TRIM44: variants seen among roughly 807,000 people sequenced by gnomAD.
The protein encoded by TRIM44 is tripartite motif containing 44.
A neutral mutation model predicts 37.4 loss-of-function variants in TRIM44; 13 were observed. The observed-to-expected ratio is 0.35, with a 90% CI of 0.23 to 0.55. TRIM44 has a LOEUF of 0.55. TRIM44 is among the 20% of genes least tolerant of loss of function. The pLI is 0.89. For synonymous variants in TRIM44, 175 were observed against 157.2 expected (o/e 1.11, Z -0.85); for missense variants, 426 against 437.2 (o/e 0.97, Z 0.23).
chr11:35,704,046 A>C (rs1851837702), intron 2 of TRIM44, among the ~76,000 whole-genome samples: 1 of 152,168 alleles, frequency 6.6e-6, no homozygotes, highest in African/African-American at 2.4e-5. Flanking sequence ...TAGAATAACC[A>C]ATACAGAGAA....
rs11828627 is a variant in TRIM44 at position 35,672,188 on chromosome 11, A to G, written c.669+8408A>G. 1.9e-3 allele frequency among the ~76,000 whole-genome samples: 282 copies of G among 152,342 alleles called. 2 individuals carry two copies. Among genetic ancestry groups the G allele is most frequent in the African/African-American group, 6.5e-3 (271 of 41,578 alleles). On this transcript the variant is annotated intron_variant, in intron 1 of 4. Coordinates refer to ENST00000299413, the MANE Select transcript of TRIM44 (RefSeq NM_017583.6). ...AATTATTTTGAACACAACCTACAGT[A>G]GAGGAAATATATTTTATACTGTGAT...
At chr11:35,800,701 C>G (rs117023049) in intron 4 of TRIM44, among the ~76,000 whole-genome samples, 108 of 152,276 alleles carry the variant, frequency 7.1e-4, no homozygotes, top group Non-Finnish European at 1.1e-3. Flanking sequence ...TTTAGGCCAT[C>G]CTTCAGATTG....
intron 2 of TRIM44, among the ~76,000 whole-genome samples, chr11:35,697,708 G>T (rs1564958244): frequency 6.6e-6 from 1 of 151,554 alleles, no homozygotes; most frequent in African/African-American, 2.4e-5. Context: ...GCGGTGTTTG[G>T]TTTTTTGTCC....
chr11:35,677,169 G>A (rs1020141273), intron 1 of TRIM44, among the ~76,000 whole-genome samples: 1 of 152,130 alleles, frequency 6.6e-6, no homozygotes, highest in Admixed American at 6.5e-5. Context: ...GCTAGCAAGC[G>A]TAAGGACTGG....
chr11:35,727,749 T>G (rs952845454), intron 3 of TRIM44, among the ~76,000 whole-genome samples: 2 of 152,036 alleles, frequency 1.3e-5, no homozygotes, highest in African/African-American at 4.8e-5. Flanking sequence ...AGAGCCAGGG[T>G]TTAGATTTAA....
At chr11:35,736,280 T>G (rs1253379256) in intron 4 of TRIM44, among the ~76,000 whole-genome samples, 1 of 152,174 alleles carries the variant, frequency 6.6e-6, no homozygotes, top group Non-Finnish European at 1.5e-5. Context: ...AAGCAGAACC[T>G]CAATGTGTAA....
At chr11:35,667,628 C>T (rs1342362388) in intron 1 of TRIM44, among the ~76,000 whole-genome samples, 1 of 152,200 alleles carries the variant, frequency 6.6e-6, no homozygotes, top group African/African-American at 2.4e-5. Flanking sequence ...CCGCCTCAAC[C>T]TCCTACAGCT....
chr11:35,696,234 C>T (rs934833352), intron 2 of TRIM44, among the ~76,000 whole-genome samples: 1 of 150,904 alleles, frequency 6.6e-6, no homozygotes, highest in Non-Finnish European at 1.5e-5. Context: ...AGCTCCGCCT[C>T]GGGTTCATGC....
intron 2 of TRIM44, among the ~76,000 whole-genome samples, chr11:35,719,637 G>C (rs1253590511): frequency 6.6e-6 from 1 of 152,054 alleles, no homozygotes; most frequent in African/African-American, 2.4e-5. Flanking sequence ...AGGTCATCTA[G>C]CTTTTTTAAA....
intron 4 of TRIM44, among the ~76,000 whole-genome samples, chr11:35,751,514 A>C (rs939157995): frequency 1.3e-5 from 2 of 152,214 alleles, no homozygotes; most frequent in African/African-American, 4.8e-5. Flanking sequence ...CTTTCATTAG[A>C]ACCTGGCTGT....
chr11:35,724,104 G>C (rs1221248890), intron 2 of TRIM44, among the ~76,000 whole-genome samples: 3 of 152,164 alleles, frequency 2.0e-5, no homozygotes, highest in Non-Finnish European at 2.9e-5. Flanking sequence ...TTAGTCACTT[G>C]ATGTGTGAGC....
intron 2 of TRIM44, among the ~76,000 whole-genome samples, chr11:35,720,990 G>A (rs923613878): frequency 6.7e-6 from 1 of 149,236 alleles, no homozygotes; most frequent in African/African-American, 2.5e-5. Context: ...TGCAACCTCC[G>A]CCTCCCAGGT....
At chr11:35,736,303 C>G (rs1231332968) in intron 4 of TRIM44, among the ~76,000 whole-genome samples, 1 of 152,120 alleles carries the variant, frequency 6.6e-6, no homozygotes, top group East Asian at 1.9e-4. Context: ...AACAATTTTT[C>G]TCTGGTCAAA....
At chr11:35,685,469 A>G (rs1025546181) in intron 2 of TRIM44, 133 bp downstream of exon 2, 1 of 723,938 alleles carries the variant, frequency 1.4e-6, no homozygotes, top group Non-Finnish European at 2.4e-6. Flanking sequence ...CCCATCAGAA[A>G]CAGTGTCCTG....
intron 2 of TRIM44, among the ~76,000 whole-genome samples, chr11:35,709,117 G>A (rs1851932248): frequency 6.6e-6 from 1 of 152,024 alleles, no homozygotes; most frequent in Non-Finnish European, 1.5e-5. Context: ...CCTTTGGATG[G>A]GGATAGTAAC....
chr11:35,685,757 G>T (rs1027746405), intron 2 of TRIM44, among the ~76,000 whole-genome samples: 3 of 152,068 alleles, frequency 2.0e-5, no homozygotes, highest in African/African-American at 7.2e-5. Flanking sequence ...TCCGCCTGCC[G>T]GGTCCAAGCC....
intron 1 of TRIM44, among the ~76,000 whole-genome samples, chr11:35,669,820 T>G (rs879601422): frequency 7.9e-5 from 12 of 151,610 alleles, no homozygotes; most frequent in South Asian, 4.2e-4. Flanking sequence ...TTGTTTGTTT[T>G]TTGTTGTTGT....
At chr11:35,678,298 T>C (rs1279696026) in intron 1 of TRIM44, among the ~76,000 whole-genome samples, 1 of 152,110 alleles carries the variant, frequency 6.6e-6, no homozygotes, top group Non-Finnish European at 1.5e-5. Context: ...TTGGGAATAG[T>C]GGACAATACG....
Position 35,806,574 on chromosome 11 carries a change from T to C in TRIM44, c.*189T>C. 1 of 608,910 alleles carries C rather than the reference T, an allele frequency of 1.6e-6. No individual in the cohort carries two copies. Among genetic ancestry groups the C allele is most frequent in the Non-Finnish European group, 2.9e-6 (1 of 344,022 alleles). The allele number at this position is 608,910 out of a possible 1,614,324, so 37.7% of individuals were successfully genotyped here. ...CAGTTTTATGCTTACTGTGTGCTTC[T>C]CATCCCCTGGTTGTGGTAGGTCAAG... On this transcript the variant is annotated 3_prime_UTR_variant, in exon 5 of 5. Coordinates refer to ENST00000299413, the MANE Select transcript of TRIM44 (RefSeq NM_017583.6).
Sources: gnomAD v4.1 joint callset for allele counts (sites outside exome capture counted in the v4.1 genomes callset) on GRCh38, gnomAD v4.1.1 for gene constraint, MANE v1.5 for transcripts, NCBI Gene and HGNC (gene_info 2026-07-23, HGNC 2026-07-21) for gene names.